SACM1L: variants seen among roughly 807,000 people sequenced by gnomAD.
SACM1L encodes the protein SAC1 like phosphatidylinositide phosphatase.
A neutral mutation model predicts 89.5 loss-of-function variants in SACM1L; 32 were observed. The observed-to-expected ratio is 0.36, with a 90% CI of 0.27 to 0.48. The LOEUF is 0.48. Among genes scored for constraint, SACM1L ranks in the 20% least tolerant of loss-of-function variants. The pLI is 0.99. For synonymous variants in SACM1L, 213 were observed against 232.8 expected, an observed-to-expected ratio of 0.92 and a Z score of 0.77; for missense variants, 543 against 708.5, an observed-to-expected ratio of 0.77 and a Z score of 2.65.
chr3:45,698,816 G>A (rs953116268), intron 1 of SACM1L, among the ~76,000 whole-genome samples: 1 of 152,054 alleles, frequency 6.6e-6, no homozygotes, highest in Non-Finnish European at 1.5e-5. Flanking sequence ...CACCAGCCTA[G>A]AGTGCAGTGG....
At chr3:45,734,638 A>T (rs1575410614) in intron 13 of SACM1L, 1 of 151,706 alleles carries the variant, frequency 6.6e-6, no homozygotes, top group African/African-American at 2.4e-5. Context: ...AGAGGCAGGG[A>T]CTCGTTATGT....
chr3:45,698,016 T>TA (rs1698171341), intron 1 of SACM1L, among the ~76,000 whole-genome samples: 2 of 152,176 alleles, frequency 1.3e-5, no homozygotes, highest in African/African-American at 2.4e-5. Flanking sequence ...AAAATAGCAA[T>TA]AAAACAATAC....
rs150346895 is a variant in SACM1L at position 45,710,951 on chromosome 3, G to A, written c.483+1304G>A. On this transcript the variant is annotated intron_variant, in intron 5 of 19. Coordinates refer to ENST00000389061, the MANE Select transcript of SACM1L (RefSeq NM_014016.5). ...TTTGTTTATGAAACATCTCTACAAC[G>A]TCAGCCATGTACCAGGAACTATACT... is the stretch of plus-strand genomic sequence containing the variant. 4.1e-3 allele frequency among the ~76,000 whole-genome samples: 631 copies of A among 152,192 alleles called. 4 individuals carry two copies. Among genetic ancestry groups the A allele is most frequent in the African/African-American group, 0.014 (575 of 41,524 alleles).
intron 19 of SACM1L, 190 bp downstream of exon 19, chr3:45,739,834 CG>C (rs1294776069): frequency 9.8e-6 from 6 of 611,650 alleles, no homozygotes; most frequent in African/African-American, 5.6e-5. Flanking sequence ...TGATGGTTGT[CG>C]TTTTTTTTAA....
intron 1 of SACM1L, among the ~76,000 whole-genome samples, chr3:45,695,870 G>A (rs954950723): frequency 6.6e-6 from 1 of 151,924 alleles, no homozygotes; most frequent in Admixed American, 6.6e-5. Context: ...TCTACTTTCT[G>A]TCTCTATAAA....
chr3:45,722,880 A>C lies in SACM1L; in HGVS notation c.777A>C (p.Ser259=). The change falls in exon 10 of 20, where the codon TCA becomes TCC. Residue 259 remains serine (S), a synonymous_variant. Transcript: ENST00000389061. ...CTCTTTTCTTTTAGACTCGAGGATC[A>C]ATACCTGTTTTCTGGTCCCAAAGAC... ...SKASFVQTRG[S]IPVFWSQRPN... is the part of the protein sequence containing the mutation. 1 of 1,612,488 alleles carries C rather than the reference A, an allele frequency of 6.2e-7. No homozygotes were observed. The highest frequency in any genetic ancestry group is 1.7e-4 in the Middle Eastern group (1 of 6,060).
At chr3:45,703,002 G>A (rs1460895334) in intron 1 of SACM1L, among the ~76,000 whole-genome samples, 1 of 152,082 alleles carries the variant, frequency 6.6e-6, no homozygotes, top group Non-Finnish European at 1.5e-5. Flanking sequence ...CCAAAGATTA[G>A]CTCATTTAAT....
intron 8 of SACM1L, among the ~76,000 whole-genome samples, chr3:45,721,208 T>G (rs1698779715): frequency 6.6e-6 from 1 of 152,232 alleles, no homozygotes; most frequent in Admixed American, 6.5e-5. Flanking sequence ...ATTTGCATTA[T>G]TATAACAAAA....
intron 16 of SACM1L, 63 bp from the exon 17 acceptor site, chr3:45,738,515 C>A: frequency 1.1e-6 from 1 of 946,496 alleles, no homozygotes. Flanking sequence ...GCTTATTGGC[C>A]ATAAAACAGT....
chr3:45,702,701 TTTAAG>T (rs1470980512), intron 1 of SACM1L, among the ~76,000 whole-genome samples: 12 of 152,242 alleles, frequency 7.9e-5, no homozygotes, highest in Admixed American at 3.3e-4. Flanking sequence ...GCCTGAACTA[TTTAAG>T]TTGTTTCTTG....
Position 45,722,027 on chromosome 3 carries a change from A to G in SACM1L, c.707A>G (p.Asn236Ser), listed in dbSNP as rs779000578. The G allele has an allele frequency of 5.0e-6, 8 of 1,612,566 alleles. No homozygotes were observed. The highest frequency in any genetic ancestry group is 6.8e-6 in the Non-Finnish European group (8 of 1,179,290). Reference sequence around the variant, plus strand: ...ATTGATTCGGAAGGCCATGCAGCTAACTTTGTAGAAACAGAACAAATTGTG... The same window carrying G: ...ATTGATTCGGAAGGCCATGCAGCTAGCTTTGTAGAAACAGAACAAATTGTG... Reference protein sequence around the residue: ...RGIDSEGHAANFVETEQIVHY... With the variant: ...RGIDSEGHAASFVETEQIVHY... Residue 236 changes from asparagine (N) to serine (S), a missense_variant, in exon 9 of 20, where the codon AAC becomes AGC. Transcript: ENST00000389061.
intron 16 of SACM1L, among the ~76,000 whole-genome samples, chr3:45,738,048 G>C (rs1699241145): frequency 6.6e-6 from 1 of 152,204 alleles, no homozygotes; most frequent in Non-Finnish European, 1.5e-5. Flanking sequence ...GGGAGATTCT[G>C]ATGCTTGGGG....
At chr3:45,718,733 A>G (rs1473668539) in intron 7 of SACM1L, among the ~76,000 whole-genome samples, 1 of 152,172 alleles carries the variant, frequency 6.6e-6, no homozygotes, top group Non-Finnish European at 1.5e-5. Flanking sequence ...ATTTAATGTA[A>G]GAGGTATGCC....
intron 8 of SACM1L, among the ~76,000 whole-genome samples, chr3:45,721,122 A>T (rs1698778111): frequency 6.6e-6 from 1 of 152,258 alleles, no homozygotes; most frequent in African/African-American, 2.4e-5. Flanking sequence ...ATATTCATGG[A>T]GTTACAGAGG....
At chr3:45,712,069 T>C (rs1698542654) in intron 5 of SACM1L, among the ~76,000 whole-genome samples, 1 of 152,164 alleles carries the variant, frequency 6.6e-6, no homozygotes, top group Non-Finnish European at 1.5e-5. Context: ...TAATAATAAG[T>C]ATGACTGGTA....
At chr3:45,721,929 G>C in intron 8 of SACM1L, 71 bp from the exon 9 acceptor site, 1 of 1,001,544 alleles carries the variant, frequency 1.0e-6, no homozygotes. Context: ...AAGTTAACCT[G>C]AATTAGTGGG....
At chr3:45,693,175 A>G (rs369878114) in intron 1 of SACM1L, among the ~76,000 whole-genome samples, 2 of 152,228 alleles carry the variant, frequency 1.3e-5, no homozygotes, top group Admixed American at 6.5e-5. Context: ...AGGTACAGTA[A>G]ATATACGGTA....
chr3:45,698,201 C>G (rs1698174604), intron 1 of SACM1L, among the ~76,000 whole-genome samples: 1 of 152,082 alleles, frequency 6.6e-6, no homozygotes, highest in Non-Finnish European at 1.5e-5. Context: ...AAGACCAATA[C>G]AAAAGTGGTG....
chr3:45,728,547 G>C (rs1446966182), intron 11 of SACM1L, among the ~76,000 whole-genome samples: 1 of 152,072 alleles, frequency 6.6e-6, no homozygotes, highest in African/African-American at 2.4e-5. Flanking sequence ...GCATATAAAA[G>C]CTCTACTCCT....
Sources: allele counts gnomAD v4.1 joint callset (sites outside exome capture counted in the v4.1 genomes callset), GRCh38; gene constraint gnomAD v4.1.1; transcripts MANE v1.5; gene names NCBI Gene and HGNC (gene_info 2026-07-23, HGNC 2026-07-21).